The following VTI1A variants were observed in gnomAD, a reference collection of about 807,000 sequenced individuals.
VTI1A encodes the protein vesicle transport through interaction with t-SNAREs homolog 1A.
In VTI1A, 22 loss-of-function variants were observed where a neutral mutation model predicts 34.9. The ratio of observed to expected loss-of-function variants is 0.63; its 90% CI spans 0.45 to 0.90. VTI1A has a LOEUF of 0.90. Ranked by LOEUF, VTI1A falls within the 40% of genes least tolerant of loss-of-function variation. The probability of loss-of-function intolerance (pLI) is 0.00; values close to 1 mark genes in which losing one functional copy is unlikely to be tolerated. For missense variants in VTI1A, 268 were observed against 275.6 expected (o/e 0.97, Z 0.20); for synonymous variants, 87 against 97.3 (o/e 0.89, Z 0.62).
chr10:112,535,430 T>C (rs182300212), intron 4 of VTI1A, among the ~76,000 whole-genome samples: 9 of 152,308 alleles, frequency 5.9e-5, no homozygotes, highest in African/African-American at 1.9e-4. Context: ...GCAACTGTGC[T>C]AAGAAGACAA....
chr10:112,657,522 C>T (rs1337147138), intron 5 of VTI1A, among the ~76,000 whole-genome samples: 1 of 151,946 alleles, frequency 6.6e-6, no homozygotes, highest in Non-Finnish European at 1.5e-5. Context: ...TAACTTCTTC[C>T]AGATGAGTTC....
chr10:112,548,619 A>G (rs1460169197), intron 5 of VTI1A: 11 of 993,006 alleles, frequency 1.1e-5, no homozygotes, highest in Non-Finnish European at 1.6e-5. Flanking sequence ...AATGAATAAG[A>G]TAATATTCAT....
intron 7 of VTI1A, among the ~76,000 whole-genome samples, chr10:112,804,015 G>C (rs1223872597): frequency 6.6e-6 from 1 of 152,230 alleles, no homozygotes; most frequent in Non-Finnish European, 1.5e-5. Context: ...AAGAATGGCA[G>C]TGGCCGTGGT....
At position 112,811,218 on chromosome 10, in the gene VTI1A, C is replaced by G. The variant is rs911066704; in HGVS notation, c.561-4072C>G. 1.2e-4 allele frequency among the ~76,000 whole-genome samples: 18 copies of G among 152,250 alleles called. No individual in the cohort carries two copies. In the East Asian group the frequency reaches 2.1e-3, roughly 18 times the overall value. On this transcript the variant is annotated intron_variant, in intron 7 of 7. Coordinates refer to ENST00000393077, the MANE Select transcript of VTI1A (RefSeq NM_145206.4). ...GCAGGATCCAGGCAGAAGATGTTACCACCATCCTATAACTTGTACTCTCTG... is the reference window on the plus strand; with the variant it reads ...GCAGGATCCAGGCAGAAGATGTTACGACCATCCTATAACTTGTACTCTCTG...
chr10:112,795,110 T>G (rs964277356), intron 7 of VTI1A, among the ~76,000 whole-genome samples: 1 of 152,184 alleles, frequency 6.6e-6, no homozygotes, highest in Non-Finnish European at 1.5e-5. Flanking sequence ...TCATAGCCGT[T>G]TGGAACTACA....
At chr10:112,838,343 G>A in the VTI1A span, among the ~76,000 whole-genome samples, 1 of 152,336 alleles carries the variant, frequency 6.6e-6, no homozygotes, top group Non-Finnish European at 1.5e-5. Flanking sequence ...CCTGGGAGCA[G>A]AGCCTTCTGC....
chr10:112,631,205 A>G (rs1846118443), intron 5 of VTI1A, among the ~76,000 whole-genome samples: 1 of 151,962 alleles, frequency 6.6e-6, no homozygotes, highest in African/African-American at 2.4e-5. Context: ...AGCTGATAAG[A>G]GCGTAGTATA....
At chr10:112,554,573 A>C (rs1851480282) in intron 5 of VTI1A, among the ~76,000 whole-genome samples, 1 of 152,188 alleles carries the variant, frequency 6.6e-6, no homozygotes, top group South Asian at 2.1e-4. Context: ...CAACAAAAGG[A>C]CATTGCAATC....
At chr10:112,626,659 A>T (rs1047175211) in intron 5 of VTI1A, among the ~76,000 whole-genome samples, 4 of 152,158 alleles carry the variant, frequency 2.6e-5, no homozygotes, top group Non-Finnish European at 4.4e-5. Context: ...ACAAAGGAGA[A>T]AACTCAGTCC....
chr10:112,761,800 A>G (rs898646139), intron 7 of VTI1A, among the ~76,000 whole-genome samples: 10 of 115,654 alleles, frequency 8.6e-5, no homozygotes, highest in South Asian at 8.4e-4. Context: ...GTGTGTGTGT[A>G]TGTATATGAA....
At chr10:112,728,870 C>G (rs929304403) in intron 7 of VTI1A, among the ~76,000 whole-genome samples, 1 of 151,912 alleles carries the variant, frequency 6.6e-6, no homozygotes, top group Non-Finnish European at 1.5e-5. Flanking sequence ...TTTTTTTAAT[C>G]TGCACAATAG....
intron 5 of VTI1A, among the ~76,000 whole-genome samples, chr10:112,639,347 A>T (rs4918762): frequency 0.52 from 78,625 of 152,046 alleles, 22,367 homozygotes; most frequent in Non-Finnish European, 0.65. Context: ...TGACTTTCTG[A>T]TGCTTATTCT....
intron 3 of VTI1A, among the ~76,000 whole-genome samples, chr10:112,519,746 T>C (rs1456078362): frequency 1.3e-5 from 2 of 152,102 alleles, no homozygotes; most frequent in Admixed American, 1.3e-4. Context: ...TCATCTGGCT[T>C]AGAACCCCTT....
At chr10:112,635,814 T>C (rs917094536) in intron 5 of VTI1A, among the ~76,000 whole-genome samples, 1 of 152,202 alleles carries the variant, frequency 6.6e-6, no homozygotes, top group African/African-American at 2.4e-5. Context: ...TCGCCCACAT[T>C]TAGCTGATGG....
chr10:112,478,285 G>A (rs1848346031), intron 3 of VTI1A, among the ~76,000 whole-genome samples: 1 of 152,124 alleles, frequency 6.6e-6, no homozygotes, highest in South Asian at 2.1e-4. Flanking sequence ...TATTCATTCT[G>A]TGCTTCAGTT....
chr10:112,631,197 C>G (rs1366329361), intron 5 of VTI1A, among the ~76,000 whole-genome samples: 1 of 151,874 alleles, frequency 6.6e-6, no homozygotes, highest in African/African-American at 2.4e-5. Flanking sequence ...GGAGCTCAAG[C>G]TGATAAGAGC....
intron 7 of VTI1A, among the ~76,000 whole-genome samples, chr10:112,733,269 C>T (rs144292488): frequency 1.3e-5 from 2 of 152,054 alleles, no homozygotes; most frequent in African/African-American, 4.8e-5. Context: ...ATGAAATTAA[C>T]CATTTGAAAG....
chr10:112,726,101 C>T (rs1850015194), intron 7 of VTI1A, among the ~76,000 whole-genome samples: 3 of 152,120 alleles, frequency 2.0e-5, no homozygotes, highest in Admixed American at 1.3e-4. Flanking sequence ...CGCAGTCTTC[C>T]TTGGTATCTC....
the VTI1A span, among the ~76,000 whole-genome samples, chr10:112,854,711 C>A: frequency 6.6e-6 from 1 of 152,168 alleles, no homozygotes; most frequent in Non-Finnish European, 1.5e-5. Context: ...AAAGGCATTA[C>A]CAGCTTGAAG....
Sources: allele counts gnomAD v4.1 joint callset (sites outside exome capture counted in the v4.1 genomes callset), GRCh38; gene constraint gnomAD v4.1.1; transcripts MANE v1.5; gene names NCBI Gene and HGNC (gene_info 2026-07-23, HGNC 2026-07-21).